PTPRR: variants seen among roughly 807,000 people sequenced by gnomAD.
The protein encoded by PTPRR is protein tyrosine phosphatase receptor type R, also known as receptor-type tyrosine-protein phosphatase R.
PTPRR carries 38 observed loss-of-function variants against 77.2 expected under a neutral mutation model. That is an observed-to-expected ratio of 0.49 (90% CI 0.38 to 0.65). PTPRR has a LOEUF of 0.65. PTPRR is among the 30% of genes least tolerant of loss of function. The pLI is 0.00. For synonymous variants in PTPRR, 299 were observed against 283.1 expected (o/e 1.06, Z -0.57); for missense variants, 744 against 799.2 (o/e 0.93, Z 0.83).
chr12:70,806,217 A>T (rs958688176), intron 2 of PTPRR, among the ~76,000 whole-genome samples: 6 of 152,146 alleles, frequency 3.9e-5, no homozygotes, highest in Non-Finnish European at 7.4e-5. Context: ...AATCATTTCA[A>T]ATGAAAGCAA....
At chr12:70,680,921 G>C (rs904818317) in intron 10 of PTPRR, among the ~76,000 whole-genome samples, 13 of 152,046 alleles carry the variant, frequency 8.6e-5, no homozygotes, top group African/African-American at 3.1e-4. Flanking sequence ...CTTTGGAATG[G>C]TGCATTCGCT....
chr12:70,918,138 C>G (rs963388619), intron 1 of PTPRR, among the ~76,000 whole-genome samples: 1 of 152,134 alleles, frequency 6.6e-6, no homozygotes, highest in African/African-American at 2.4e-5. Context: ...GACCAAGGAG[C>G]TGTGTTTGTT....
chr12:70,758,530 T>A (rs918590897), intron 4 of PTPRR, among the ~76,000 whole-genome samples: 1 of 152,188 alleles, frequency 6.6e-6, no homozygotes, highest in Non-Finnish European at 1.5e-5. Flanking sequence ...GCAGGATACA[T>A]TTATCCAACG....
chr12:70,837,645 C>G (rs1158462734), intron 2 of PTPRR, among the ~76,000 whole-genome samples: 1 of 152,132 alleles, frequency 6.6e-6, no homozygotes, highest in Admixed American at 6.6e-5. Context: ...CATGCCCTCT[C>G]TGGGTATGCC....
intron 2 of PTPRR, among the ~76,000 whole-genome samples, chr12:70,842,517 C>T (rs73332114): frequency 1.3e-5 from 2 of 152,122 alleles, no homozygotes; most frequent in South Asian, 2.1e-4. Flanking sequence ...CTTCCTCCCC[C>T]CAAAAATGGA....
chr12:70,812,770 A>T (rs940716220), intron 2 of PTPRR, among the ~76,000 whole-genome samples: 4 of 152,326 alleles, frequency 2.6e-5, no homozygotes, highest in African/African-American at 4.8e-5. Context: ...CTCCTTATGG[A>T]TAAAACTAGA....
At chr12:70,793,512 C>T (rs956858487) in intron 2 of PTPRR, among the ~76,000 whole-genome samples, 3 of 152,056 alleles carry the variant, frequency 2.0e-5, no homozygotes, top group African/African-American at 4.8e-5. Flanking sequence ...TTGGGATGCT[C>T]GAGACATTTT....
At chr12:70,748,978 A>G (rs1890300339) in intron 5 of PTPRR, among the ~76,000 whole-genome samples, 1 of 152,234 alleles carries the variant, frequency 6.6e-6, no homozygotes, top group Non-Finnish European at 1.5e-5. Flanking sequence ...TGTTCAGTAC[A>G]AAGTACTAAG....
chr12:70,675,640 T>C (rs938447130), intron 10 of PTPRR, among the ~76,000 whole-genome samples: 6 of 152,036 alleles, frequency 3.9e-5, no homozygotes, highest in Non-Finnish European at 7.4e-5. Flanking sequence ...CTATTATTTC[T>C]TGTATTTGAG....
At chr12:70,755,615 A>T (rs1025925284) in intron 4 of PTPRR, among the ~76,000 whole-genome samples, 1 of 152,190 alleles carries the variant, frequency 6.6e-6, no homozygotes, top group Non-Finnish European at 1.5e-5. Flanking sequence ...TTTACTTGTA[A>T]AACAGCGATG....
At position 70,892,874 on chromosome 12, in the gene PTPRR, C is replaced by A. The variant is rs138385862; in HGVS notation, c.162G>T (p.Leu54=). The part of the protein sequence containing the change: ...YKHSQDIEKS[L]DIAPQKIYRH... ...TGTAGATTTTTTGTGGGGCTATATC[C>A]AGGCTCTTCTCAATGTCTTGTGAAT... Residue 54 remains leucine (L), a synonymous_variant, in exon 2 of 14, where the codon CTG becomes CTT. Transcript: ENST00000283228. 1.2e-5 allele frequency: 19 copies of A among 1,613,488 alleles called. No individual in the cohort carries two copies. The African/African-American group carries it at 2.1e-4, about 18-fold the overall frequency.
At chr12:70,890,134 T>C (rs1028283139) in intron 2 of PTPRR, among the ~76,000 whole-genome samples, 2 of 152,178 alleles carry the variant, frequency 1.3e-5, no homozygotes, top group African/African-American at 4.8e-5. Flanking sequence ...CATACTTTCA[T>C]CTAAAGCGGT....
At chr12:70,753,726 C>T (rs1389850970) in intron 5 of PTPRR, among the ~76,000 whole-genome samples, 1 of 152,146 alleles carries the variant, frequency 6.6e-6, no homozygotes, top group Non-Finnish European at 1.5e-5. Flanking sequence ...ATCTCCTTTT[C>T]ATAGAATGCT....
At chr12:70,882,045 A>G (rs1437702906) in intron 2 of PTPRR, among the ~76,000 whole-genome samples, 1 of 152,130 alleles carries the variant, frequency 6.6e-6, no homozygotes, top group Non-Finnish European at 1.5e-5. Flanking sequence ...TTTCATACCG[A>G]TAACTCTATT....
In PTPRR at chr12:70,679,688, G is replaced by T. The variant is rs961519031; in HGVS notation, c.1497+4439C>A. 1.4e-4 allele frequency among the ~76,000 whole-genome samples: 21 copies of T among 152,000 alleles called. No individual in the cohort carries two copies. The East Asian group carries it at 4.1e-3, about 29-fold the overall frequency. On this transcript the variant is annotated intron_variant, in intron 10 of 13. Coordinates refer to ENST00000283228, the MANE Select transcript of PTPRR (RefSeq NM_002849.4). ...TTTTGATTTGAAGTCTATTTTATCT[G>T]GTATAAGTGAAGCTACTCCTGGTCT...
At chr12:70,775,985 TAC>T (rs1216798196) in intron 2 of PTPRR, among the ~76,000 whole-genome samples, 5 of 152,244 alleles carry the variant, frequency 3.3e-5, no homozygotes, top group African/African-American at 1.2e-4. Context: ...TGCTATTAGT[TAC>T]AGATTAATTA....
At chr12:70,778,207 AT>A (rs370593131) in intron 2 of PTPRR, among the ~76,000 whole-genome samples, 2,817 of 150,484 alleles carry the variant, frequency 0.019, 33 homozygotes, top group Middle Eastern at 0.052. Flanking sequence ...CTTTATTTCT[AT>A]TTTTTTTTCT....
chr12:70,692,749 G>A (rs113277219), intron 8 of PTPRR, among the ~76,000 whole-genome samples: 73 of 152,212 alleles, frequency 4.8e-4, no homozygotes, highest in African/African-American at 1.5e-3. Flanking sequence ...CTGTCTTTCT[G>A]AAGTTCTCCC....
chr12:70,897,018 T>C (rs1421998935), intron 1 of PTPRR, among the ~76,000 whole-genome samples: 1 of 151,892 alleles, frequency 6.6e-6, no homozygotes, highest in African/African-American at 2.4e-5. Context: ...ACTGTAGCCT[T>C]GTAGTATAGT....
Sources: allele counts gnomAD v4.1 joint callset (sites outside exome capture counted in the v4.1 genomes callset), GRCh38; gene constraint gnomAD v4.1.1; transcripts MANE v1.5; gene names NCBI Gene and HGNC (gene_info 2026-07-23, HGNC 2026-07-21).